The following ADAMTSL1 variants were observed in gnomAD, a reference collection of about 807,000 sequenced individuals.
ADAMTSL1 encodes ADAMTS-like protein 1.
A neutral mutation model predicts 201.8 loss-of-function variants in ADAMTSL1; 126 were observed. The ratio of observed to expected loss-of-function variants is 0.62; its 90% CI spans 0.54 to 0.72. The LOEUF is 0.72. ADAMTSL1 is among the 30% of genes least tolerant of loss of function. ADAMTSL1 has a pLI of 0.00. For synonymous variants in ADAMTSL1, 1,121 were observed against 903.4 expected, an observed-to-expected ratio of 1.24 and a Z score of -4.32; for missense variants, 2,679 against 2,277.8, an observed-to-expected ratio of 1.18 and a Z score of -3.59.
intron 26 of ADAMTSL1, among the ~76,000 whole-genome samples, chr9:18,897,089 GTCCC>G (rs1021424558): frequency 6.6e-5 from 10 of 152,186 alleles, no homozygotes; most frequent in African/African-American, 2.2e-4. Context: ...GTGAGGAGAA[GTCCC>G]TCACAACACA....
rs753366987 is a variant in ADAMTSL1 at position 18,889,621 on chromosome 9, C to T, written c.4516C>T (p.Arg1506Trp). The T allele has an allele frequency of 1.5e-5, 25 of 1,613,554 alleles. No homozygotes were observed. The highest frequency in any genetic ancestry group is 2.7e-5 in the African/African-American group (2 of 74,912). The stretch of plus-strand genomic sequence containing the variant: ...AACCTGCTCAGCCTCCTGTGGTAAC[C>T]GGGGGGTTCAGCAGCCCCGCTTGAG... ...LATCSASCGNRGVQQPRLRCL... is the reference protein window; with the variant it reads ...LATCSASCGNWGVQQPRLRCL... Residue 1506 changes from arginine to tryptophan, a missense_variant, in exon 25 of 29, where the codon CGG becomes TGG. By Grantham distance (101) the Arg-to-Trp change is moderately radical. Transcript: ENST00000380548.
At chr9:18,516,013 A>AGAGTT (rs905172808) in intron 2 of ADAMTSL1, among the ~76,000 whole-genome samples, 1 of 150,940 alleles carries the variant, frequency 6.6e-6, no homozygotes, top group East Asian at 1.9e-4. Context: ...TCCTATCCAC[A>AGAGTT]GAGTTGAGTT....
At chr9:18,902,929 G>A (rs1196906109) in intron 26 of ADAMTSL1, among the ~76,000 whole-genome samples, 1 of 152,204 alleles carries the variant, frequency 6.6e-6, no homozygotes, top group Non-Finnish European at 1.5e-5. Flanking sequence ...GATTGGCCAG[G>A]CACGGTGGCT....
intron 2 of ADAMTSL1, chr9:18,360,491 C>T (rs982977785): frequency 3.9e-5 from 6 of 152,040 alleles, no homozygotes; most frequent in African/African-American, 7.2e-5. Context: ...AACATTGGTA[C>T]GACTTCATGC....
intron 13 of ADAMTSL1, among the ~76,000 whole-genome samples, chr9:18,704,900 A>G (rs1832142244): frequency 1.3e-5 from 2 of 152,196 alleles, no homozygotes; most frequent in South Asian, 2.1e-4. Context: ...CCTTCCTGAC[A>G]AGGTTATATG....
intron 15 of ADAMTSL1, 52 bp downstream of exon 15, chr9:18,721,717 C>A: frequency 1.3e-6 from 2 of 1,580,644 alleles, no homozygotes; most frequent in African/African-American, 1.4e-5. Context: ...CAGAACTGGG[C>A]GCATCTTTCA....
In ADAMTSL1 at chr9:18,706,866, A is replaced by C. The variant is rs780456259; in HGVS notation, c.1694A>C (p.Asp565Ala). The C allele has an allele frequency of 1.9e-6, 3 of 1,613,646 alleles. No individual in the cohort carries two copies. Among genetic ancestry groups the C allele is most frequent in the Non-Finnish European group, 2.5e-6 (3 of 1,179,744 alleles). Reference sequence around the variant, plus strand: ...CAGTCCGTGGCTGACCTGCCTATTGACGAGTGTGAAGGGCCCAAGCCAGCA... The same window carrying C: ...CAGTCCGTGGCTGACCTGCCTATTGCCGAGTGTGAAGGGCCCAAGCCAGCA... ...FSQSVADLPI[D>A]ECEGPKPASQ... The change falls in exon 14 of 29, where the codon GAC (aspartate) becomes GCC (alanine). Residue 565 changes from aspartate (D) to alanine (A), a missense_variant. Transcript: ENST00000380548.
At chr9:18,780,680 A>G (rs991935898) in intron 19 of ADAMTSL1, among the ~76,000 whole-genome samples, 2 of 152,154 alleles carry the variant, frequency 1.3e-5, no homozygotes, top group African/African-American at 4.8e-5. Context: ...ATTTTACTGT[A>G]TTACATAAAA....
intron 23 of ADAMTSL1, among the ~76,000 whole-genome samples, chr9:18,879,742 T>G (rs1175763581): frequency 6.6e-6 from 1 of 152,230 alleles, no homozygotes; most frequent in Non-Finnish European, 1.5e-5. Context: ...TTGCTGAATA[T>G]TGGAAAGATT....
At chr9:18,058,649 C>T (rs1466503056) in intron 1 of ADAMTSL1, among the ~76,000 whole-genome samples, 1 of 151,876 alleles carries the variant, frequency 6.6e-6, no homozygotes, top group East Asian at 1.9e-4. Flanking sequence ...ATACTTTTGA[C>T]CCATGAAATA....
intron 2 of ADAMTSL1, among the ~76,000 whole-genome samples, chr9:18,512,451 A>T (rs1180643014): frequency 6.6e-6 from 1 of 152,048 alleles, no homozygotes; most frequent in Non-Finnish European, 1.5e-5. Flanking sequence ...AAAAAAAAAA[A>T]TCCTTATGTG....
chr9:18,385,908 C>G (rs1412339920), intron 2 of ADAMTSL1, among the ~76,000 whole-genome samples: 1 of 152,148 alleles, frequency 6.6e-6, no homozygotes, highest in Non-Finnish European at 1.5e-5. Context: ...ATGTCGGTTA[C>G]TCATTCTTGT....
At chr9:18,482,009 T>C (rs148435148) in intron 1 of ADAMTSL1, among the ~76,000 whole-genome samples, 1 of 152,268 alleles carries the variant, frequency 6.6e-6, no homozygotes, top group African/African-American at 2.4e-5. Flanking sequence ...AAAAAACAAA[T>C]AGATTCCATT....
chr9:18,143,220 G>A (rs1826478601), intron 1 of ADAMTSL1, among the ~76,000 whole-genome samples: 1 of 152,194 alleles, frequency 6.6e-6, no homozygotes, highest in African/African-American at 2.4e-5. Flanking sequence ...CTCTGGATTG[G>A]CATGTTCCCC....
intron 14 of ADAMTSL1, among the ~76,000 whole-genome samples, chr9:18,714,117 T>C (rs574648774): frequency 1.3e-5 from 2 of 152,182 alleles, no homozygotes; most frequent in Middle Eastern, 3.2e-3. Context: ...GAGGGAAATT[T>C]ATAGCACTAA....
intron 2 of ADAMTSL1, among the ~76,000 whole-genome samples, chr9:18,369,519 C>T (rs1015154898): frequency 2.0e-5 from 3 of 152,134 alleles, no homozygotes; most frequent in Non-Finnish European, 4.4e-5. Flanking sequence ...AATGCTTATA[C>T]ACATTGGTGG....
chr9:18,868,911 T>C (rs1383409818), intron 23 of ADAMTSL1, among the ~76,000 whole-genome samples: 1 of 152,236 alleles, frequency 6.6e-6, no homozygotes, highest in African/African-American at 2.4e-5. Context: ...CCACAAAAGA[T>C]GTTGAAATCC....
chr9:18,258,693 A>C (rs907597240), intron 2 of ADAMTSL1, among the ~76,000 whole-genome samples: 6 of 152,296 alleles, frequency 3.9e-5, no homozygotes, highest in Admixed American at 1.3e-4. Flanking sequence ...GGAGTCTTCC[A>C]GTAGCGCTTC....
intron 15 of ADAMTSL1, among the ~76,000 whole-genome samples, chr9:18,745,586 G>T (rs967002778): frequency 6.6e-6 from 1 of 152,080 alleles, no homozygotes; most frequent in Non-Finnish European, 1.5e-5. Flanking sequence ...CTGGGCACTC[G>T]ATTTGCTTGA....
Sources: gnomAD v4.1 joint callset for allele counts (sites outside exome capture counted in the v4.1 genomes callset) on GRCh38, gnomAD v4.1.1 for gene constraint, MANE v1.5 for transcripts, NCBI Gene and HGNC (gene_info 2026-07-23, HGNC 2026-07-21) for gene names.